ADAM9: variants seen among roughly 807,000 people sequenced by gnomAD.
ADAM9 encodes disintegrin and metalloproteinase domain-containing protein 9.
ADAM9 carries 54 observed loss-of-function variants against 108.1 expected under a neutral mutation model. The observed-to-expected ratio is 0.50, with a 90% CI of 0.40 to 0.63. The LOEUF (loss-of-function observed/expected upper bound fraction) is 0.63. Ranked by LOEUF, ADAM9 falls within the 20% of genes least tolerant of loss-of-function variation. The probability of loss-of-function intolerance (pLI) is 0.00; values close to 1 mark genes in which losing one functional copy is unlikely to be tolerated. For missense variants in ADAM9, 830 were observed against 997.7 expected (o/e 0.83, Z 2.26); for synonymous variants, 316 against 336.0 (o/e 0.94, Z 0.65).
intron 14 of ADAM9, among the ~76,000 whole-genome samples, chr8:39,066,232 A>G (rs1287933147): frequency 6.6e-6 from 1 of 152,192 alleles, no homozygotes; most frequent in Non-Finnish European, 1.5e-5. Context: ...ATGTCTTTAT[A>G]GCAGCATGAT....
chr8:39,021,507 C>T, intron 7 of ADAM9, 136 bp from the exon 8 acceptor site: 1 of 754,280 alleles, frequency 1.3e-6, no homozygotes, highest in Non-Finnish European at 2.4e-6. Context: ...TGGTCTCGAA[C>T]TCCTGACCTC....
Position 39,002,631 on chromosome 8 carries a change from A to G in ADAM9, c.98-5255A>G, listed in dbSNP as rs1349226842. Among the ~76,000 whole-genome samples the G allele has an allele frequency of 3.9e-5, 6 of 152,044 alleles. No homozygotes were observed. The East Asian group carries it at 1.2e-3, about 29-fold the overall frequency. On this transcript the variant is annotated intron_variant, in intron 1 of 21. Coordinates refer to ENST00000487273, the MANE Select transcript of ADAM9 (RefSeq NM_003816.3). ...CCACTGTGCCCGGCCACAATTAGGT[A>G]GAACTCTTTTAACTCACTTCCCTGT... is the stretch of plus-strand genomic sequence containing the variant.
At chr8:39,061,106 C>G (rs1838284266) in intron 14 of ADAM9, among the ~76,000 whole-genome samples, 1 of 152,218 alleles carries the variant, frequency 6.6e-6, no homozygotes, top group Non-Finnish European at 1.5e-5. Context: ...ATGAGAGTCC[C>G]TGCCCCTGCA....
rs571952660 is a variant in ADAM9 at position 39,050,954 on chromosome 8, A to G, written c.1303-3527A>G. On this transcript the variant is annotated intron_variant, in intron 12 of 21. Coordinates refer to ENST00000487273, the MANE Select transcript of ADAM9 (RefSeq NM_003816.3). ...TTTGTAGCCTTCAGGGGTCTAGCAC[A>G]TACCAGCTCCATCTGTGCTCTGAGA... Among the ~76,000 whole-genome samples the G allele has an allele frequency of 5.9e-5, 9 of 151,358 alleles. No individual in the cohort carries two copies. In the South Asian group the frequency reaches 1.0e-3, roughly 17 times the overall value.
At position 39,083,086 on chromosome 8, in the gene ADAM9, G is replaced by A; in HGVS notation, c.2068+13G>A. The A allele has an allele frequency of 6.2e-7, 1 of 1,608,360 alleles. No individual in the cohort carries two copies. Among genetic ancestry groups the A allele is most frequent in the Non-Finnish European group, 8.5e-7 (1 of 1,175,178 alleles). Reference sequence around the variant, plus strand: ...CCTACATACAATGGCAAGTAATATAGAAGAAAATTAGTGTGATCTCCCAGT... The same window carrying A: ...CCTACATACAATGGCAAGTAATATAAAAGAAAATTAGTGTGATCTCCCAGT... On this transcript the variant is annotated intron_variant, in intron 18 of 21. Transcript: ENST00000487273.
chr8:39,079,594 A>C (rs1334591153), intron 16 of ADAM9, among the ~76,000 whole-genome samples: 1 of 142,200 alleles, frequency 7.0e-6, no homozygotes, highest in East Asian at 2.0e-4. Context: ...AATATCATGA[A>C]TTTTTTTTTT....
chr8:39,077,129 C>T, intron 15 of ADAM9, 99 bp from the exon 16 acceptor site: 2 of 1,296,836 alleles, frequency 1.5e-6, no homozygotes, highest in South Asian at 1.2e-5. Flanking sequence ...AGATTCCCTC[C>T]ATAGCAGCAA....
intron 14 of ADAM9, among the ~76,000 whole-genome samples, chr8:39,071,040 T>C (rs987067828): frequency 3.9e-5 from 6 of 152,218 alleles, no homozygotes; most frequent in African/African-American, 1.2e-4. Context: ...TATTATTTAA[T>C]AGTGTTTCTT....
At chr8:39,087,449 A>G (rs1839212139) in intron 18 of ADAM9, among the ~76,000 whole-genome samples, 2 of 152,322 alleles carry the variant, frequency 1.3e-5, no homozygotes, top group African/African-American at 2.4e-5. Context: ...TGGATGTGCT[A>G]TAACTTCACT....
At chr8:39,045,141 T>C (rs1321233465) in intron 12 of ADAM9, among the ~76,000 whole-genome samples, 2 of 114,314 alleles carry the variant, frequency 1.7e-5, no homozygotes, top group African/African-American at 6.1e-5. Flanking sequence ...CATACATATA[T>C]GTGTATATAT....
At chr8:39,079,577 AT>A (rs1281430208) in intron 16 of ADAM9, among the ~76,000 whole-genome samples, 2 of 150,674 alleles carry the variant, frequency 1.3e-5, no homozygotes, top group African/African-American at 4.9e-5. Flanking sequence ...ACATAAGCCT[AT>A]TTTAAAATAT....
chr8:39,022,174 G>T (rs1836768674), intron 8 of ADAM9, among the ~76,000 whole-genome samples: 1 of 151,596 alleles, frequency 6.6e-6, no homozygotes, highest in Non-Finnish European at 1.5e-5. Flanking sequence ...AGATATTAAA[G>T]AATTAGATAT....
At chr8:39,026,340 T>C (rs1836920774) in intron 10 of ADAM9, among the ~76,000 whole-genome samples, 1 of 152,204 alleles carries the variant, frequency 6.6e-6, no homozygotes, top group African/African-American at 2.4e-5. Context: ...CACTTATGAG[T>C]GTAGCTCTTT....
intron 11 of ADAM9, among the ~76,000 whole-genome samples, chr8:39,038,466 T>G (rs1225078897): frequency 4.6e-5 from 7 of 152,196 alleles, no homozygotes; most frequent in African/African-American, 9.6e-5. Flanking sequence ...CTGACTGCCC[T>G]TTTAAAATCA....
rs571837629 is a variant in ADAM9, at chr8:39,040,953, A to G, written c.1131-993A>G. On this transcript the variant is annotated intron_variant, in intron 11 of 21. Transcript: ENST00000487273. ...CACCATACACAAAAATCAACTCAAA[A>G]TGGATAAAATACCTAAATGTCAGAC... Among the ~76,000 whole-genome samples the G allele has an allele frequency of 1.5e-4, 23 of 152,326 alleles. No individual in the cohort carries two copies. The East Asian group carries it at 4.4e-3, about 29-fold the overall frequency.
chr8:39,066,060 G>A (rs1456349805), intron 14 of ADAM9, among the ~76,000 whole-genome samples: 7 of 152,108 alleles, frequency 4.6e-5, no homozygotes, highest in Admixed American at 4.6e-4. Flanking sequence ...CTTCATCCAT[G>A]TCCCTACGAA....
At position 39,016,133 on chromosome 8, in the gene ADAM9, C is replaced by T. The variant is rs753966173; in HGVS notation, c.349C>T (p.Arg117Trp). 3.7e-5 allele frequency: 59 copies of T among 1,613,410 alleles called. No homozygotes were observed. Among genetic ancestry groups the T allele is most frequent in the Middle Eastern group, 1.6e-4 (1 of 6,064 alleles). ...TTTCATTTAGAATCATTGTCATTAT[C>T]GGGGCTATGTGGAGGGAGTTCATAA... ...HPNIQNHCHY[R>W]GYVEGVHNSS... Residue 117 changes from arginine (R) to tryptophan (W), a missense_variant, in exon 5 of 22, where the codon CGG becomes TGG. Physicochemically the swap from Arg to Trp is moderately radical, Grantham distance 101. Coordinates refer to ENST00000487273, the MANE Select transcript of ADAM9 (RefSeq NM_003816.3).
intron 3 of ADAM9, among the ~76,000 whole-genome samples, chr8:39,013,142 ACCT>A (rs1836412244): frequency 6.6e-6 from 1 of 152,046 alleles, no homozygotes; most frequent in Non-Finnish European, 1.5e-5. Flanking sequence ...ATGCCACTGA[ACCT>A]CCTTAACATG....
chr8:39,049,532 G>C (rs549813593), intron 12 of ADAM9, among the ~76,000 whole-genome samples: 1 of 149,312 alleles, frequency 6.7e-6, no homozygotes, highest in Admixed American at 6.8e-5. Flanking sequence ...TCCGCCTCCT[G>C]GGTTCAAGTG....
Sources: allele counts gnomAD v4.1 joint callset (sites outside exome capture counted in the v4.1 genomes callset), GRCh38; gene constraint gnomAD v4.1.1; transcripts MANE v1.5; gene names NCBI Gene and HGNC (gene_info 2026-07-23, HGNC 2026-07-21).